Variants in PCDH9 observed in about 807,000 individuals in gnomAD.
PCDH9 encodes protocadherin-9.
A neutral mutation model predicts 70.6 loss-of-function variants in PCDH9; 24 were observed. The ratio of observed to expected loss-of-function variants is 0.34; its 90% CI spans 0.25 to 0.48. The LOEUF is 0.48. Ranked by LOEUF, PCDH9 falls within the 20% of genes least tolerant of loss-of-function variation. The pLI, the probability that PCDH9 is intolerant of heterozygous loss-of-function variation, is 0.99. For missense variants in PCDH9, 1,281 were observed against 1,503.6 expected (o/e 0.85, Z 2.45); for synonymous variants, 562 against 558.5 (o/e 1.01, Z -0.09).
intron 4 of PCDH9, among the ~76,000 whole-genome samples, chr13:66,531,583 C>T (rs1960457874): frequency 6.6e-6 from 1 of 152,040 alleles, no homozygotes; most frequent in East Asian, 1.9e-4. Context: ...GGAAGAAAAG[C>T]CTCACCTAAA....
chr13:66,485,538 C>T (rs1235143143), intron 4 of PCDH9, among the ~76,000 whole-genome samples: 4 of 151,600 alleles, frequency 2.6e-5, no homozygotes, highest in Non-Finnish European at 5.9e-5. Context: ...TTTATATATT[C>T]AAGGGAGAAA....
In PCDH9 at chr13:66,992,555, C is replaced by T. The variant is rs1258834784; in HGVS notation, c.3037-88950G>A. 3.9e-5 allele frequency among the ~76,000 whole-genome samples: 6 copies of T among 152,262 alleles called. No individual in the cohort carries two copies. The East Asian group carries it at 9.6e-4, about 24-fold the overall frequency. On this transcript the variant is annotated intron_variant, in intron 2 of 4. Transcript: ENST00000377865. Reference sequence around the variant, plus strand: ...CAGCACACTTCTGTTGGAAGACGAGCTCTTTTAATTTTGCAACTCTTTAAT... The same window carrying T: ...CAGCACACTTCTGTTGGAAGACGAGTTCTTTTAATTTTGCAACTCTTTAAT...
chr13:66,858,758 T>C (rs550703895), intron 3 of PCDH9, among the ~76,000 whole-genome samples: 31 of 152,194 alleles, frequency 2.0e-4, no homozygotes, highest in Non-Finnish European at 3.7e-4. Context: ...AAATTAATTG[T>C]AATAATTCTC....
chr13:66,543,129 C>CT (rs1483372288), intron 4 of PCDH9, among the ~76,000 whole-genome samples: 1 of 151,782 alleles, frequency 6.6e-6, no homozygotes, highest in Non-Finnish European at 1.5e-5. Context: ...TAATGCTCTT[C>CT]TTGAGGAAGA....
intron 2 of PCDH9, among the ~76,000 whole-genome samples, chr13:67,129,132 T>C (rs551225146): frequency 2.0e-5 from 3 of 152,188 alleles, no homozygotes; most frequent in African/African-American, 4.8e-5. Flanking sequence ...TTCTGTTTTA[T>C]GCTGAATATG....
intron 3 of PCDH9, among the ~76,000 whole-genome samples, chr13:66,673,923 T>G (rs934180975): frequency 6.6e-6 from 1 of 152,210 alleles, no homozygotes; most frequent in African/African-American, 2.4e-5. Flanking sequence ...GTCTTCCTTG[T>G]ATCATTCAGT....
rs549952041 is a variant in PCDH9 at position 66,359,328 on chromosome 13, T to C, written c.3341-54300A>G. Among the ~76,000 whole-genome samples, 9 of 152,044 alleles carry C rather than the reference T, an allele frequency of 5.9e-5. No individual in the cohort carries two copies. The East Asian group carries it at 1.7e-3, about 29-fold the overall frequency. On this transcript the variant is annotated intron_variant, in intron 4 of 4. Transcript: ENST00000377865. ...TTGATATCCTTCATTAGCTATAACA[T>C]AGTTAAAACGTAGCACCTGCAATAA...
intron 2 of PCDH9, among the ~76,000 whole-genome samples, chr13:67,012,180 G>A (rs945549978): frequency 6.6e-6 from 1 of 151,456 alleles, no homozygotes; most frequent in African/African-American, 2.4e-5. Context: ...TGAAAGAATC[G>A]ATTTTAAAAG....
chr13:66,379,311 A>C (rs1446095173), intron 4 of PCDH9, among the ~76,000 whole-genome samples: 1 of 152,210 alleles, frequency 6.6e-6, no homozygotes, highest in African/African-American at 2.4e-5. Context: ...TTTCAATAGC[A>C]GTGTGACACT....
chr13:66,591,406 C>T (rs1401212854), intron 4 of PCDH9, among the ~76,000 whole-genome samples: 1 of 148,912 alleles, frequency 6.7e-6, no homozygotes, highest in Non-Finnish European at 1.5e-5. Context: ...AAAGGTATAG[C>T]AGTATGGAAA....
intron 4 of PCDH9, among the ~76,000 whole-genome samples, chr13:66,305,511 G>T (rs1399347701): frequency 6.6e-6 from 1 of 151,810 alleles, no homozygotes; most frequent in Non-Finnish European, 1.5e-5. Flanking sequence ...TTGAAACATA[G>T]CATCATTAAA....
At chr13:66,680,577 TCAGGTCGAACTTTTATC>T (rs71636869) in intron 3 of PCDH9, among the ~76,000 whole-genome samples, 16,933 of 151,964 alleles carry the variant, frequency 0.11, 1,191 homozygotes, top group East Asian at 0.23. Context: ...AACAATTTTT[TCAGGTCGAACTTTTATC>T]CATAGGTTGC....
At chr13:66,848,160 T>G (rs116389682) in intron 3 of PCDH9, among the ~76,000 whole-genome samples, 2,306 of 152,264 alleles carry the variant, frequency 0.015, 74 homozygotes, top group African/African-American at 0.052. Context: ...TGCTTTTACT[T>G]AAAAGAATGA....
At chr13:66,800,226 T>C (rs1164933368) in intron 3 of PCDH9, among the ~76,000 whole-genome samples, 1 of 152,104 alleles carries the variant, frequency 6.6e-6, no homozygotes, top group African/African-American at 2.4e-5. Context: ...ACATAAACCC[T>C]GCCCTCTCAC....
At chr13:66,954,437 T>G (rs577632808) in intron 2 of PCDH9, among the ~76,000 whole-genome samples, 1 of 152,194 alleles carries the variant, frequency 6.6e-6, no homozygotes. Context: ...CTGCACTTAC[T>G]GCATGGACTC....
At chr13:66,540,792 T>C (rs1960921351) in intron 4 of PCDH9, among the ~76,000 whole-genome samples, 2 of 152,184 alleles carry the variant, frequency 1.3e-5, no homozygotes, top group African/African-American at 2.4e-5. Context: ...AGCTAAGGTA[T>C]CATTAAAGGT....
chr13:66,626,988 T>TGTGTGTGTGTGTG (rs1566465653), intron 4 of PCDH9, among the ~76,000 whole-genome samples: 3 of 143,512 alleles, frequency 2.1e-5, no homozygotes, highest in Non-Finnish European at 3.1e-5. Flanking sequence ...TGTGTGTGTG[T>TGTGTGTGTGTGTG]TTAGAAGCAA....
At chr13:66,525,882 C>T (rs1001493571) in intron 4 of PCDH9, among the ~76,000 whole-genome samples, 2 of 152,126 alleles carry the variant, frequency 1.3e-5, no homozygotes, top group African/African-American at 4.8e-5. Context: ...TTATTCTCTT[C>T]CTTAGCTCAC....
chr13:66,863,918 T>G (rs1416537825), intron 3 of PCDH9, among the ~76,000 whole-genome samples: 1 of 152,070 alleles, frequency 6.6e-6, no homozygotes, highest in Non-Finnish European at 1.5e-5. Flanking sequence ...TGACTCACAG[T>G]TCAGCATGGC....
Sources: gnomAD v4.1 joint callset for allele counts (sites outside exome capture counted in the v4.1 genomes callset) on GRCh38, gnomAD v4.1.1 for gene constraint, MANE v1.5 for transcripts, NCBI Gene and HGNC (gene_info 2026-07-23, HGNC 2026-07-21) for gene names.